PDZRN3: variants seen among roughly 807,000 people sequenced by gnomAD.
PDZRN3 encodes the protein PDZ domain containing ring finger 3, also known as E3 ubiquitin-protein ligase PDZRN3.
PDZRN3 carries 38 observed loss-of-function variants against 85.7 expected under a neutral mutation model. The observed-to-expected ratio is 0.44, with a 90% CI of 0.34 to 0.58. PDZRN3 has a LOEUF of 0.58. Among genes scored for constraint, PDZRN3 ranks in the 20% least tolerant of loss-of-function variants. The pLI is 0.01. For missense variants in PDZRN3, 1,629 were observed against 1,506.4 expected, an observed-to-expected ratio of 1.08 and a Z score of -1.35; for synonymous variants, 759 against 638.0, an observed-to-expected ratio of 1.19 and a Z score of -2.86.
chr3:73,515,228 T>A (rs1312543886), intron 3 of PDZRN3, among the ~76,000 whole-genome samples: 5 of 142,110 alleles, frequency 3.5e-5, no homozygotes. Context: ...CAGGCTGGAA[T>A]GCAGTGGCGC....
At chr3:73,600,337 A>ACACTCTCTCT (rs34405662) in intron 3 of PDZRN3, among the ~76,000 whole-genome samples, 1,215 of 100,034 alleles carry the variant, frequency 0.012, 21 homozygotes, top group African/African-American at 0.036. Context: ...ACACACACAC[A>ACACTCTCTCT]CTCTCTCTCT....
intron 1 of PDZRN3, among the ~76,000 whole-genome samples, chr3:73,621,541 C>T (rs1702861099): frequency 1.3e-5 from 2 of 152,114 alleles, no homozygotes; most frequent in Admixed American, 1.3e-4. Flanking sequence ...AAACAGCTTC[C>T]AATGGGAGGA....
chr3:73,538,663 T>G (rs1704846160), intron 3 of PDZRN3, among the ~76,000 whole-genome samples: 1 of 152,220 alleles, frequency 6.6e-6, no homozygotes, highest in Non-Finnish European at 1.5e-5. Flanking sequence ...CAGTTAACCT[T>G]TAGCAATATA....
At chr3:73,424,408 G>A (rs960487337) in intron 3 of PDZRN3, among the ~76,000 whole-genome samples, 6 of 147,772 alleles carry the variant, frequency 4.1e-5, no homozygotes, top group Non-Finnish European at 7.4e-5. Context: ...GAGTGTAGTG[G>A]CAGGTGCCTG....
intron 3 of PDZRN3, among the ~76,000 whole-genome samples, chr3:73,448,006 A>T (rs1283460623): frequency 6.6e-6 from 1 of 152,238 alleles, no homozygotes; most frequent in Non-Finnish European, 1.5e-5. Flanking sequence ...CATATCTAGC[A>T]CACACATTTT....
At chr3:73,462,339 C>T (rs754843078) in intron 3 of PDZRN3, among the ~76,000 whole-genome samples, 4 of 151,904 alleles carry the variant, frequency 2.6e-5, no homozygotes, top group Non-Finnish European at 4.4e-5. Flanking sequence ...GTCAGGAGAT[C>T]GAGACCATCC....
intron 3 of PDZRN3, among the ~76,000 whole-genome samples, chr3:73,410,819 T>C (rs1009340637): frequency 2.0e-5 from 3 of 152,252 alleles, no homozygotes; most frequent in Non-Finnish European, 2.9e-5. Flanking sequence ...TATCATCACA[T>C]GAAATCTCAT....
At chr3:73,463,209 T>G (rs567384070) in intron 3 of PDZRN3, among the ~76,000 whole-genome samples, 72 of 152,344 alleles carry the variant, frequency 4.7e-4, no homozygotes, top group African/African-American at 1.7e-3. Context: ...GGCCCATCCT[T>G]ACTTGGTCAG....
intron 3 of PDZRN3, among the ~76,000 whole-genome samples, chr3:73,508,959 C>T (rs1414613463): frequency 6.6e-6 from 1 of 152,122 alleles, no homozygotes; most frequent in Non-Finnish European, 1.5e-5. Flanking sequence ...CCAGACAGGC[C>T]TAAAACGTCT....
chr3:73,527,762 T>C (rs571146886), intron 3 of PDZRN3, among the ~76,000 whole-genome samples: 1 of 152,330 alleles, frequency 6.6e-6, no homozygotes, highest in African/African-American at 2.4e-5. Context: ...CTCTGGTTAA[T>C]GTGGGCTCGG....
At chr3:73,584,746 T>G (rs1702255173) in intron 3 of PDZRN3, among the ~76,000 whole-genome samples, 1 of 152,158 alleles carries the variant, frequency 6.6e-6, no homozygotes, top group African/African-American at 2.4e-5. Context: ...TTCATTCTTG[T>G]TAGAATACCA....
At chr3:73,437,923 G>T (rs1702561500) in intron 3 of PDZRN3, among the ~76,000 whole-genome samples, 1 of 152,202 alleles carries the variant, frequency 6.6e-6, no homozygotes, top group South Asian at 2.1e-4. Flanking sequence ...GTCTGTTAGT[G>T]ATTGCAAGTT....
At chr3:73,586,306 A>G (rs1204239719) in intron 3 of PDZRN3, among the ~76,000 whole-genome samples, 1 of 152,188 alleles carries the variant, frequency 6.6e-6, no homozygotes, top group South Asian at 2.1e-4. Flanking sequence ...ACCTGTCTGC[A>G]GGAGGTGTTG....
In PDZRN3 at chr3:73,561,726, C is replaced by A. The variant is rs531852693; in HGVS notation, c.918+40628G>T. ...ATCTTCGCATGCGGATCCTCACATG[C>A]GGATGCTTGTGCACTTGTCTACCCC... On this transcript the variant is annotated intron_variant, in intron 3 of 9. Transcript: ENST00000263666. 5.3e-5 allele frequency: 8 copies of A among 152,252 alleles called. No homozygotes were observed. The East Asian group carries it at 1.5e-3, about 29-fold the overall frequency. The allele number at this position is 152,252 out of a possible 1,614,324, so 9.4% of individuals were successfully genotyped here. A position where few individuals can be genotyped will look rare whatever the true frequency, so the allele number is the denominator to read the frequency against.
At chr3:73,428,312 C>T (rs1311907788) in intron 3 of PDZRN3, among the ~76,000 whole-genome samples, 1 of 152,196 alleles carries the variant, frequency 6.6e-6, no homozygotes, top group African/African-American at 2.4e-5. Flanking sequence ...CCCTCTGTTC[C>T]ACATCCTCAC....
At chr3:73,529,919 T>C (rs1704614142) in intron 3 of PDZRN3, among the ~76,000 whole-genome samples, 1 of 152,240 alleles carries the variant, frequency 6.6e-6, no homozygotes, top group Non-Finnish European at 1.5e-5. Context: ...CCTTATAGGA[T>C]GGTTGTAAAA....
At chr3:73,506,085 G>T (rs1490521688) in intron 3 of PDZRN3, among the ~76,000 whole-genome samples, 1 of 152,130 alleles carries the variant, frequency 6.6e-6, no homozygotes, top group Admixed American at 6.5e-5. Flanking sequence ...CTCCATCCAT[G>T]TGAAACTCAT....
intron 3 of PDZRN3, among the ~76,000 whole-genome samples, chr3:73,453,073 G>C (rs890824888): frequency 3.3e-5 from 5 of 152,120 alleles, no homozygotes; most frequent in Non-Finnish European, 7.4e-5. Flanking sequence ...ACAGGTTGGA[G>C]AAAGTATGCC....
At chr3:73,412,153 T>C (rs1437868698) in intron 3 of PDZRN3, among the ~76,000 whole-genome samples, 1 of 152,230 alleles carries the variant, frequency 6.6e-6, no homozygotes, top group Non-Finnish European at 1.5e-5. Flanking sequence ...GCATTATCTC[T>C]TGCTGTAAAG....
Sources: allele counts gnomAD v4.1 joint callset (sites outside exome capture counted in the v4.1 genomes callset), GRCh38; gene constraint gnomAD v4.1.1; transcripts MANE v1.5; gene names NCBI Gene and HGNC (gene_info 2026-07-23, HGNC 2026-07-21).